HECW1: variants seen among roughly 807,000 people sequenced by gnomAD.
The protein encoded by HECW1 is E3 ubiquitin-protein ligase HECW1.
A neutral mutation model predicts 182.3 loss-of-function variants in HECW1; 61 were observed. That is an observed-to-expected ratio of 0.33 (90% CI 0.27 to 0.41). The LOEUF (loss-of-function observed/expected upper bound fraction) is 0.41. Ranked by LOEUF, HECW1 falls within the 10% of genes least tolerant of loss-of-function variation. The probability of loss-of-function intolerance (pLI) is 1.00; values close to 1 mark genes in which losing one functional copy is unlikely to be tolerated. For synonymous variants in HECW1, 859 were observed against 832.6 expected, an observed-to-expected ratio of 1.03 and a Z score of -0.55; for missense variants, 1,739 against 2,108.9, an observed-to-expected ratio of 0.82 and a Z score of 3.44.
chr7:43,125,042 T>C (rs375005547), intron 2 of HECW1, among the ~76,000 whole-genome samples: 1 of 152,204 alleles, frequency 6.6e-6, no homozygotes, highest in African/African-American at 2.4e-5. Flanking sequence ...TCCAACCCAG[T>C]GTGGTCGGGT....
At chr7:43,157,806 C>G (rs1790054053) in intron 2 of HECW1, among the ~76,000 whole-genome samples, 2 of 152,208 alleles carry the variant, frequency 1.3e-5, no homozygotes, top group Admixed American at 1.3e-4. Context: ...AGCGGTGCAC[C>G]TGTCTTGGCC....
chr7:43,174,120 C>G (rs1791976926), intron 2 of HECW1, among the ~76,000 whole-genome samples: 1 of 152,158 alleles, frequency 6.6e-6, no homozygotes, highest in African/African-American at 2.4e-5. Flanking sequence ...GGATTACAGG[C>G]ATGAGCCACA....
intron 3 of HECW1, among the ~76,000 whole-genome samples, chr7:43,303,667 C>T (rs1197032280): frequency 2.6e-5 from 4 of 152,146 alleles, no homozygotes; most frequent in Non-Finnish European, 5.9e-5. Context: ...TTCTTCCACA[C>T]AATGGCCAGC....
At chr7:43,309,839 T>C (rs1808274774) in intron 3 of HECW1, among the ~76,000 whole-genome samples, 1 of 152,196 alleles carries the variant, frequency 6.6e-6, no homozygotes, top group Non-Finnish European at 1.5e-5. Flanking sequence ...CCTGGCTGAG[T>C]GCCCAGGCCC....
At chr7:43,264,391 C>T (rs140205352) in intron 3 of HECW1, among the ~76,000 whole-genome samples, 108 of 152,260 alleles carry the variant, frequency 7.1e-4, no homozygotes, top group Admixed American at 1.4e-3. Context: ...ACATCCTCCA[C>T]GTTCATCCAG....
intron 2 of HECW1, among the ~76,000 whole-genome samples, chr7:43,150,743 C>T (rs925923092): frequency 1.3e-5 from 2 of 152,196 alleles, no homozygotes; most frequent in South Asian, 2.1e-4. Context: ...TGTGATCCTC[C>T]GCCCAGTACA....
intron 2 of HECW1, among the ~76,000 whole-genome samples, chr7:43,169,238 C>T (rs756348813): frequency 3.3e-5 from 5 of 152,134 alleles, no homozygotes; most frequent in Non-Finnish European, 5.9e-5. Flanking sequence ...AGATGAGATC[C>T]GGAAGTTCAG....
rs4724220 is a variant in HECW1, at chr7:43,552,356, A to C, written c.4510+20A>C. ...GGGGAGGTGAGTGGGCAGGAGCTGT[A>C]ATGATGCAATGATCACAAATAGAAC... On this transcript the variant is annotated intron_variant, in intron 28 of 29. Coordinates refer to ENST00000395891, the MANE Select transcript of HECW1 (RefSeq NM_015052.5). 1 of 1,386,150 alleles carries C rather than the reference A, an allele frequency of 7.2e-7. No homozygotes were observed. Among genetic ancestry groups the C allele is most frequent in the Non-Finnish European group, 1.0e-6 (1 of 973,378 alleles). 85.9% of individuals were successfully genotyped at this position (1,386,150 alleles called of 1,614,324 possible).
intron 16 of HECW1, among the ~76,000 whole-genome samples, chr7:43,475,730 T>C (rs1447122217): frequency 6.6e-6 from 1 of 152,088 alleles, no homozygotes; most frequent in Non-Finnish European, 1.5e-5. Context: ...TTGGTATATT[T>C]TTGTATTTTT....
At chr7:43,237,096 T>C (rs1267965737) in intron 2 of HECW1, among the ~76,000 whole-genome samples, 6 of 110,260 alleles carry the variant, frequency 5.4e-5, no homozygotes, top group Non-Finnish European at 9.0e-5. Context: ...GAAGCAGGGA[T>C]GGGAGGGAGG....
intron 21 of HECW1, 92 bp from the exon 22 acceptor site, chr7:43,507,045 G>C: frequency 6.8e-7 from 1 of 1,462,952 alleles, no homozygotes; most frequent in Non-Finnish European, 9.1e-7. Flanking sequence ...ACTCCAGCCT[G>C]GGCAACAGAG....
chr7:43,189,412 T>C (rs1793696073), intron 2 of HECW1, among the ~76,000 whole-genome samples: 1 of 152,108 alleles, frequency 6.6e-6, no homozygotes, highest in Non-Finnish European at 1.5e-5. Context: ...TAGCAAAATA[T>C]GAGACTGTTA....
At chr7:43,362,106 G>A (rs1213397206) in intron 6 of HECW1, among the ~76,000 whole-genome samples, 13 of 141,082 alleles carry the variant, frequency 9.2e-5, no homozygotes, top group Admixed American at 2.2e-4. Context: ...ACTCCAGCCT[G>A]GGCAACAAGA....
intron 20 of HECW1, 128 bp downstream of exon 20, chr7:43,500,910 ACG>A (rs1297131491): frequency 1.3e-6 from 1 of 792,334 alleles, no homozygotes; most frequent in African/African-American, 1.7e-5. Flanking sequence ...AGTAACTGCA[ACG>A]CAAGTGGGAC....
intron 4 of HECW1, among the ~76,000 whole-genome samples, chr7:43,313,101 A>G (rs1040707674): frequency 6.6e-6 from 1 of 152,196 alleles, no homozygotes; most frequent in East Asian, 1.9e-4. Flanking sequence ...TCTCAGGGAA[A>G]TATTCTTGGG....
intron 8 of HECW1, among the ~76,000 whole-genome samples, chr7:43,416,028 T>A (rs868033571): frequency 0.024 from 3,683 of 151,202 alleles, 163 homozygotes; most frequent in African/African-American, 0.086. Context: ...TTCTCTCAGC[T>A]CGTCAAAGTC....
At position 43,444,072 on chromosome 7, in the gene HECW1, T is replaced by G. The variant is rs1397081935; in HGVS notation, c.1046-146T>G. ...TTCTTACAGAATTTTTCACTAGAGC[T>G]CTGGCCAGTGAGAAACCCTCATCAA... On this transcript the variant is annotated intron_variant, in intron 10 of 29. Transcript: ENST00000395891. This position sits in a 1 kb window ranked among gnomAD's most constrained non-coding sequence, Gnocchi z 4.3. The G allele has an allele frequency of 3.9e-6, 3 of 776,784 alleles. No individual in the cohort carries two copies. In the African/African-American group the frequency reaches 5.3e-5, roughly 14 times the overall value. The allele number at this position is 776,784 out of a possible 1,614,324, so 48.1% of individuals were successfully genotyped here.
chr7:43,229,655 A>G (rs1277817631), intron 2 of HECW1, among the ~76,000 whole-genome samples: 4 of 152,188 alleles, frequency 2.6e-5, no homozygotes, highest in Non-Finnish European at 5.9e-5. Flanking sequence ...TTAATGGGCT[A>G]TAAATAAATA....
At chr7:43,209,783 G>A (rs905467317) in intron 2 of HECW1, among the ~76,000 whole-genome samples, 1 of 152,186 alleles carries the variant, frequency 6.6e-6, no homozygotes, top group African/African-American at 2.4e-5. Context: ...ATGCTGGCAG[G>A]AAGGAGCTGA....
Sources: gnomAD v4.1 joint callset for allele counts (sites outside exome capture counted in the v4.1 genomes callset) on GRCh38, gnomAD v4.1.1 for gene constraint, Gnocchi (gnomAD v3.1) non-coding constraint, MANE v1.5 for transcripts, NCBI Gene and HGNC (gene_info 2026-07-23, HGNC 2026-07-21) for gene names.